The following BPTF variants were observed in gnomAD, a reference collection of about 807,000 sequenced individuals.
BPTF encodes the protein bromodomain PHD finger transcription factor.
Under a neutral mutation model 292.5 loss-of-function variants are expected in BPTF, and 18 were observed. The observed-to-expected ratio is 0.06, with a 90% CI of 0.04 to 0.09. The LOEUF is 0.09. Among genes scored for constraint, BPTF ranks in the 10% least tolerant of loss-of-function variants. The pLI is 1.00. For missense variants in BPTF, 2,726 were observed against 3,498.7 expected (o/e 0.78, Z 5.57); for synonymous variants, 1,225 against 1,251.9 (o/e 0.98, Z 0.45).
chr17:67,959,801 C>T lies in BPTF; in HGVS notation c.8187C>T (p.Ile2729=), dbSNP rs2067302419. Residue 2729 remains isoleucine (I), a synonymous_variant, in exon 24 of 28, where the codon ATC becomes ATT. Transcript: ENST00000306378. The part of the protein sequence containing the change: ...SSSKSKKKKM[I]STTSKETKKD... ...CAAAGTCCAAGAAAAAGAAAATGATCTCTACTACCTCAAAGGAAACTAAGA... is the reference window on the plus strand; with the variant it reads ...CAAAGTCCAAGAAAAAGAAAATGATTTCTACTACCTCAAAGGAAACTAAGA... 1.2e-6 allele frequency: 2 copies of T among 1,613,934 alleles called. No individual in the cohort carries two copies. The highest frequency in any genetic ancestry group is 1.1e-5 in the South Asian group (1 of 91,080).
intron 20 of BPTF, 81 bp from the exon 21 acceptor site, chr17:67,945,328 A>G (rs528822456): frequency 3.3e-6 from 5 of 1,535,996 alleles, no homozygotes; most frequent in East Asian, 4.5e-5. Context: ...TCTCAACTTC[A>G]GAAGATTTCC....
At position 67,932,849 on chromosome 17, in the gene BPTF, A is replaced by G. The variant is rs139294277; in HGVS notation, c.6259+830A>G. ...CAGGCACATGAAATAAAGGCCATAAAAAGAAAGAAAAGACAAGGATGGCCC... is the reference window on the plus strand; with the variant it reads ...CAGGCACATGAAATAAAGGCCATAAGAAGAAAGAAAAGACAAGGATGGCCC... On this transcript the variant is annotated intron_variant, in intron 18 of 27. Coordinates refer to ENST00000306378, the MANE Select transcript of BPTF (RefSeq NM_182641.4). Among the ~76,000 whole-genome samples the G allele has an allele frequency of 2.0e-5, 3 of 152,344 alleles. No homozygotes were observed. The East Asian group carries it at 5.8e-4, about 29-fold the overall frequency.
At chr17:67,853,913 G>A (rs74842951) in intron 1 of BPTF, 27 bp from the exon 2 acceptor site, 65,437 of 1,556,016 alleles carry the variant, frequency 0.042, 1,620 homozygotes, top group Middle Eastern at 0.065. Context: ...GTATTGATTT[G>A]TAATGATGTC....
At chr17:67,844,182 T>A (rs2057833162) in intron 1 of BPTF, among the ~76,000 whole-genome samples, 1 of 147,910 alleles carries the variant, frequency 6.8e-6, no homozygotes, top group Non-Finnish European at 1.5e-5. Flanking sequence ...CAGGTTCAAG[T>A]GAGTCTCGTG....
At chr17:67,929,186 C>T (rs930961516) in intron 16 of BPTF, 150 bp from the exon 17 acceptor site, 4 of 1,409,846 alleles carry the variant, frequency 2.8e-6, no homozygotes, top group Non-Finnish European at 3.7e-6. Flanking sequence ...TTTTTCATCT[C>T]CTTTTCACTG....
intron 1 of BPTF, among the ~76,000 whole-genome samples, chr17:67,841,916 A>G (rs911103811): frequency 1.3e-5 from 2 of 151,902 alleles, no homozygotes; most frequent in African/African-American, 4.8e-5. Flanking sequence ...TTAATTGAAT[A>G]TTTTTTAGTG....
At chr17:67,828,072 C>T (rs943715205) in intron 1 of BPTF, among the ~76,000 whole-genome samples, 1 of 151,314 alleles carries the variant, frequency 6.6e-6, no homozygotes, top group Non-Finnish European at 1.5e-5. Flanking sequence ...GCTGGGATTA[C>T]AGGTGCCCAC....
chr17:67,973,246 T>C (rs200465104), intron 26 of BPTF, among the ~76,000 whole-genome samples: 1 of 150,466 alleles, frequency 6.6e-6, no homozygotes, highest in Non-Finnish European at 1.5e-5. Context: ...TGGTGGCAGA[T>C]GCCTGTAGTC....
intron 1 of BPTF, among the ~76,000 whole-genome samples, chr17:67,831,629 C>A (rs73351778): frequency 6.6e-6 from 1 of 152,074 alleles, no homozygotes; most frequent in Non-Finnish European, 1.5e-5. Flanking sequence ...CTGTGTCTTC[C>A]CTTTGACTAA....
At chr17:67,929,118 G>A in intron 16 of BPTF, 3 of 1,331,608 alleles carry the variant, frequency 2.3e-6, no homozygotes, top group Non-Finnish European at 1.9e-6. Flanking sequence ...GCAACACAAG[G>A]AGGTAAGGGA....
chr17:67,832,373 G>C (rs2056769221), intron 1 of BPTF, among the ~76,000 whole-genome samples: 1 of 151,844 alleles, frequency 6.6e-6, no homozygotes, highest in Non-Finnish European at 1.5e-5. Flanking sequence ...TTGTCTGCTG[G>C]TATATATCTA....
intron 1 of BPTF, among the ~76,000 whole-genome samples, chr17:67,835,663 A>AT (rs142633440): frequency 0.022 from 3,036 of 141,138 alleles, 102 homozygotes; most frequent in African/African-American, 0.068. Flanking sequence ...AGTCCTGGTA[A>AT]TTTTTTTTTT....
At chr17:67,945,338 C>A in intron 20 of BPTF, 71 bp from the exon 21 acceptor site, 1 of 1,540,638 alleles carries the variant, frequency 6.5e-7, no homozygotes, top group Non-Finnish European at 8.7e-7. Flanking sequence ...AGAAGATTTC[C>A]TTCAGATTCT....
intron 1 of BPTF, among the ~76,000 whole-genome samples, chr17:67,845,703 G>A (rs1382554302): frequency 6.6e-6 from 1 of 152,064 alleles, no homozygotes; most frequent in African/African-American, 2.4e-5. Context: ...GAGCCCAGGA[G>A]GTGAGGCTGC....
At chr17:67,973,619 C>G (rs1232996579) in intron 26 of BPTF, among the ~76,000 whole-genome samples, 2 of 151,922 alleles carry the variant, frequency 1.3e-5, no homozygotes, top group Non-Finnish European at 2.9e-5. Context: ...GGGATTCTCC[C>G]CTCAGCCTCC....
chr17:67,825,776 G>A lies in BPTF; in HGVS notation c.52G>A (p.Glu18Lys). The A allele has an allele frequency of 1.9e-6, 2 of 1,044,706 alleles. No homozygotes were observed. Among genetic ancestry groups the A allele is most frequent in the Non-Finnish European group, 2.3e-6 (2 of 870,526 alleles). 64.7% of individuals were successfully genotyped at this position (1,044,706 alleles called of 1,614,324 possible). ...PPKQPAAPAA[E>K]RCAPAPPPPP... ...CAAGCAGCCCGCGGCTCCCGCTGCG[G>A]AGCGCTGCGCCCCGGCCCCGCCGCC... The change falls in exon 1 of 28, where the codon GAG becomes AAG. Residue 18 changes from glutamate (E) to lysine (K), a missense_variant. Glu to Lys is a moderately conservative substitution (Grantham distance 56). This residue lies in a region of BPTF where 31 missense variants were observed against 53.6 expected (regional missense o/e 0.58). Transcript: ENST00000306378.
Position 67,982,333 on chromosome 17 carries a change from T to C in BPTF, c.*45T>C. On this transcript the variant is annotated 3_prime_UTR_variant, in exon 28 of 28. Transcript: ENST00000306378. ...ACATAAAACACAGCAAGAATCTGGT[T>C]GTCTGAACTATTTTAAATTAAGGAG... The C allele has an allele frequency of 6.4e-7, 1 of 1,554,326 alleles. No homozygotes were observed. Among genetic ancestry groups the C allele is most frequent in the Non-Finnish European group, 8.9e-7 (1 of 1,129,934 alleles).
At chr17:67,980,355 A>G (rs189317862) in intron 27 of BPTF, among the ~76,000 whole-genome samples, 1 of 152,196 alleles carries the variant, frequency 6.6e-6, no homozygotes, top group African/African-American at 2.4e-5. Context: ...AAAGAAAAAT[A>G]CATCTACCCA....
rs189175733 is a variant in BPTF, at chr17:67,847,540, G to T, written c.614-6400G>T. 2.1e-3 allele frequency among the ~76,000 whole-genome samples: 312 copies of T among 151,230 alleles called. 3 individuals are homozygous for T. The highest frequency in any genetic ancestry group is 7.3e-3 in the African/African-American group (301 of 41,198). On this transcript the variant is annotated intron_variant, in intron 1 of 27. Transcript: ENST00000306378. Reference sequence around the variant, plus strand: ...AAAAAAAAAAAAATTATCCGGGTGTGGTGGTGGGCACCTGTAATCCCAGTT... The same window carrying T: ...AAAAAAAAAAAAATTATCCGGGTGTTGTGGTGGGCACCTGTAATCCCAGTT...
Sources: gnomAD v4.1 joint callset for allele counts (sites outside exome capture counted in the v4.1 genomes callset) on GRCh38, gnomAD v4.1.1 for gene constraint, gnomAD v4.1.1 regional missense constraint, MANE v1.5 for transcripts, NCBI Gene and HGNC (gene_info 2026-07-23, HGNC 2026-07-21) for gene names.